Variants in SEMA3A observed in about 807,000 individuals in gnomAD.
SEMA3A encodes semaphorin-3A.
SEMA3A carries 29 observed loss-of-function variants against 97.9 expected under a neutral mutation model. The ratio of observed to expected loss-of-function variants is 0.30; its 90% CI spans 0.22 to 0.40. SEMA3A has a LOEUF of 0.40. SEMA3A is among the 10% of genes least tolerant of loss of function. The pLI, the probability that SEMA3A is intolerant of heterozygous loss-of-function variation, is 1.00. For synonymous variants in SEMA3A, 321 were observed against 323.7 expected, an observed-to-expected ratio of 0.99 and a Z score of 0.09; for missense variants, 763 against 951.3, an observed-to-expected ratio of 0.80 and a Z score of 2.60.
chr7:84,169,160 T>C (rs941942713), intron 1 of SEMA3A, among the ~76,000 whole-genome samples: 4 of 151,622 alleles, frequency 2.6e-5, no homozygotes, highest in Non-Finnish European at 5.9e-5. Flanking sequence ...TTGTAAATTA[T>C]AAATATTTCT....
At chr7:84,144,155 A>G (rs1584032297) in intron 1 of SEMA3A, among the ~76,000 whole-genome samples, 1 of 151,802 alleles carries the variant, frequency 6.6e-6, no homozygotes, top group East Asian at 1.9e-4. Context: ...GATATGAAAA[A>G]ATAATAATAA....
intron 5 of SEMA3A, among the ~76,000 whole-genome samples, chr7:84,049,986 T>G (rs1331541804): frequency 6.6e-6 from 1 of 150,494 alleles, no homozygotes; most frequent in Non-Finnish European, 1.5e-5. Context: ...GTTCTTGCGA[T>G]AGTTTACTGA....
At chr7:84,416,910 T>G (rs1034770156) in intron 1 of SEMA3A, among the ~76,000 whole-genome samples, 3 of 152,080 alleles carry the variant, frequency 2.0e-5, no homozygotes, top group African/African-American at 7.2e-5. Flanking sequence ...CCAGATGGAG[T>G]TGCAGCTATA....
chr7:84,455,600 CTT>C (rs35183552), intron 1 of SEMA3A, among the ~76,000 whole-genome samples: 1 of 151,732 alleles, frequency 6.6e-6, no homozygotes, highest in Non-Finnish European at 1.5e-5. Context: ...CATTTGAAGA[CTT>C]TTTTTCAGAG....
chr7:84,106,514 T>G (rs1372425936), intron 4 of SEMA3A, among the ~76,000 whole-genome samples: 1 of 152,174 alleles, frequency 6.6e-6, no homozygotes, highest in Admixed American at 6.6e-5. Flanking sequence ...CTATCTCTGC[T>G]GTTAAACAAC....
chr7:83,962,214 T>C (rs1788501374), intron 16 of SEMA3A, among the ~76,000 whole-genome samples: 1 of 152,050 alleles, frequency 6.6e-6, no homozygotes, highest in African/African-American at 2.4e-5. Flanking sequence ...TACGGGGCAT[T>C]AGAATGAATT....
chr7:84,060,577 A>G lies in SEMA3A; in HGVS notation c.454-19T>C, dbSNP rs774601195. ...TATTGTCCTGTGGATTTAAAAAAGA[A>G]AGAGAAAAGGGTTTCCTTTATATAT... On this transcript the variant is annotated intron_variant, in intron 4 of 16. Transcript: ENST00000265362. The G allele has an allele frequency of 6.0e-6, 9 of 1,510,870 alleles. No homozygotes were observed. The highest frequency in any genetic ancestry group is 1.8e-4 in the Middle Eastern group (1 of 5,706). 93.6% of individuals were successfully genotyped at this position (1,510,870 alleles called of 1,614,324 possible).
intron 1 of SEMA3A, among the ~76,000 whole-genome samples, chr7:84,406,134 A>G (rs536337985): frequency 2.1e-4 from 32 of 152,294 alleles, no homozygotes; most frequent in African/African-American, 7.7e-4. Flanking sequence ...AAGATCAACA[A>G]AATTGATAGA....
chr7:84,343,923 T>C (rs981300219), intron 2 of SEMA3A, among the ~76,000 whole-genome samples: 7 of 152,042 alleles, frequency 4.6e-5, no homozygotes, highest in Non-Finnish European at 1.0e-4. Context: ...CGAGGATCAC[T>C]TGATCCCAGG....
chr7:83,974,552 C>A (rs1789059157), intron 15 of SEMA3A, among the ~76,000 whole-genome samples: 1 of 152,004 alleles, frequency 6.6e-6, no homozygotes, highest in Admixed American at 6.6e-5. Flanking sequence ...ATATTTTATT[C>A]AATGTGAGAA....
intron 2 of SEMA3A, among the ~76,000 whole-genome samples, chr7:84,324,518 G>A (rs1344262134): frequency 1.3e-5 from 2 of 152,028 alleles, no homozygotes; most frequent in Non-Finnish European, 2.9e-5. Flanking sequence ...AAGAACATAT[G>A]GCTGAAACAA....
chr7:84,457,871 T>C (rs528564023), intron 1 of SEMA3A, among the ~76,000 whole-genome samples: 2 of 152,152 alleles, frequency 1.3e-5, no homozygotes, highest in Admixed American at 1.3e-4. Flanking sequence ...AACAAGTATA[T>C]ACATCATACA....
intron 5 of SEMA3A, among the ~76,000 whole-genome samples, chr7:84,048,781 G>T (rs997260089): frequency 1.3e-5 from 2 of 151,956 alleles, no homozygotes; most frequent in East Asian, 3.9e-4. Flanking sequence ...AGTAAATAAT[G>T]TAATTAATCA....
At chr7:84,212,744 T>C (rs1335868391) in intron 3 of SEMA3A, among the ~76,000 whole-genome samples, 1 of 152,200 alleles carries the variant, frequency 6.6e-6, no homozygotes, top group Non-Finnish European at 1.5e-5. Flanking sequence ...GGAAACCAGC[T>C]TTTTCACATT....
At chr7:84,036,150 C>T (rs867754188) in intron 6 of SEMA3A, among the ~76,000 whole-genome samples, 1 of 151,778 alleles carries the variant, frequency 6.6e-6, no homozygotes, top group African/African-American at 2.4e-5. Flanking sequence ...CAATGGAATC[C>T]AAAAATTTGT....
intron 11 of SEMA3A, among the ~76,000 whole-genome samples, chr7:84,003,801 C>CTAT (rs1319721860): frequency 6.6e-6 from 1 of 152,080 alleles, no homozygotes; most frequent in Admixed American, 6.6e-5. Context: ...AAGAGAAATA[C>CTAT]TATTTCTTAT....
intron 1 of SEMA3A, among the ~76,000 whole-genome samples, chr7:84,144,865 C>G (rs942557657): frequency 1.3e-5 from 2 of 152,088 alleles, no homozygotes; most frequent in African/African-American, 4.8e-5. Flanking sequence ...ACATCACTTG[C>G]CTCCTTAAAA....
At chr7:84,242,064 T>C (rs1799376526) in intron 3 of SEMA3A, among the ~76,000 whole-genome samples, 1 of 152,222 alleles carries the variant, frequency 6.6e-6, no homozygotes, top group Admixed American at 6.5e-5. Context: ...GGTAGCATGA[T>C]GCCACCAGCT....
intron 9 of SEMA3A, among the ~76,000 whole-genome samples, chr7:84,010,782 T>A (rs557226902): frequency 8.5e-5 from 13 of 152,190 alleles, no homozygotes; most frequent in South Asian, 2.1e-4. Flanking sequence ...TAAGATGACA[T>A]GAACATTTCA....
Sources: allele counts gnomAD v4.1 joint callset (sites outside exome capture counted in the v4.1 genomes callset), GRCh38; gene constraint gnomAD v4.1.1; transcripts MANE v1.5; gene names NCBI Gene and HGNC (gene_info 2026-07-23, HGNC 2026-07-21).